HPSE2: variants seen among roughly 807,000 people sequenced by gnomAD.
HPSE2 encodes the protein inactive heparanase-2.
A neutral mutation model predicts 60.5 loss-of-function variants in HPSE2; 38 were observed. The observed-to-expected ratio is 0.63, with a 90% CI of 0.48 to 0.82. HPSE2 has a LOEUF of 0.82. Ranked by LOEUF, HPSE2 falls within the 40% of genes least tolerant of loss-of-function variation. The pLI, the probability that HPSE2 is intolerant of heterozygous loss-of-function variation, is 0.00. For missense variants in HPSE2, 713 were observed against 740.4 expected, an observed-to-expected ratio of 0.96 and a Z score of 0.43; for synonymous variants, 295 against 293.2, an observed-to-expected ratio of 1.01 and a Z score of -0.06.
intron 3 of HPSE2, among the ~76,000 whole-genome samples, chr10:99,105,384 T>C (rs556240194): frequency 2.6e-5 from 4 of 152,254 alleles, no homozygotes; most frequent in African/African-American, 9.6e-5. Flanking sequence ...AATATCTTCT[T>C]TGGAAAAATG....
At chr10:98,540,349 G>T (rs1331593090) in intron 9 of HPSE2, among the ~76,000 whole-genome samples, 1 of 152,144 alleles carries the variant, frequency 6.6e-6, no homozygotes, top group Non-Finnish European at 1.5e-5. Context: ...TTTGAGCAAG[G>T]TCATGAGCAA....
chr10:98,580,953 T>C (rs181414155), intron 9 of HPSE2, among the ~76,000 whole-genome samples: 69 of 151,210 alleles, frequency 4.6e-4, no homozygotes, highest in Admixed American at 8.6e-4. Flanking sequence ...CTTTCTTTTT[T>C]TTTTTGAGAC....
the HPSE2 span, among the ~76,000 whole-genome samples, chr10:99,259,316 A>AAG: frequency 2.6e-4 from 39 of 151,920 alleles, no homozygotes; most frequent in East Asian, 6.6e-3. Flanking sequence ...ACCAAAAAAA[A>AAG]AAAAAAAGAC....
chr10:99,301,968 C>T, the HPSE2 span, among the ~76,000 whole-genome samples: 357 of 151,996 alleles, frequency 2.3e-3, 1 homozygote, highest in African/African-American at 8.1e-3. Context: ...AGATCCCCAA[C>T]TCACTCATTC....
chr10:98,473,548 G>GAC (rs1940876357), intron 11 of HPSE2, among the ~76,000 whole-genome samples: 9 of 107,948 alleles, frequency 8.3e-5, no homozygotes, highest in African/African-American at 3.0e-4. Context: ...GAAAGAAAGA[G>GAC]AGGAAGAGAA....
At chr10:98,565,856 A>ATCG (rs1412768234) in intron 9 of HPSE2, among the ~76,000 whole-genome samples, 7 of 151,878 alleles carry the variant, frequency 4.6e-5, no homozygotes, top group African/African-American at 1.4e-4. Flanking sequence ...TATCATCATC[A>ATCG]TCATCATCAT....
At chr10:99,068,767 A>T (rs981197782) in intron 3 of HPSE2, among the ~76,000 whole-genome samples, 6 of 152,214 alleles carry the variant, frequency 3.9e-5, no homozygotes, top group African/African-American at 1.4e-4. Flanking sequence ...GATCATCAAA[A>T]TCATGAATGA....
chr10:99,138,387 C>G (rs1395353083), intron 3 of HPSE2, among the ~76,000 whole-genome samples: 1 of 152,180 alleles, frequency 6.6e-6, no homozygotes, highest in Non-Finnish European at 1.5e-5. Flanking sequence ...AATCCCATTA[C>G]TGGGTATATA....
At chr10:99,145,274 G>A (rs1846008432) in intron 2 of HPSE2, among the ~76,000 whole-genome samples, 1 of 152,058 alleles carries the variant, frequency 6.6e-6, no homozygotes, top group South Asian at 2.1e-4. Context: ...GACCAATATG[G>A]TGAAACCCTG....
At chr10:98,908,896 C>T (rs1953902429) in intron 3 of HPSE2, among the ~76,000 whole-genome samples, 1 of 152,080 alleles carries the variant, frequency 6.6e-6, no homozygotes, top group Admixed American at 6.5e-5. Flanking sequence ...CACAGAAAGA[C>T]ACATTCCTGC....
At chr10:99,001,111 C>G (rs1956768585) in intron 3 of HPSE2, among the ~76,000 whole-genome samples, 1 of 152,060 alleles carries the variant, frequency 6.6e-6, no homozygotes, top group Admixed American at 6.6e-5. Context: ...TTTCTCTAAT[C>G]ACCCTCTATT....
chr10:99,127,338 G>C (rs904186340), intron 3 of HPSE2, among the ~76,000 whole-genome samples: 2 of 152,170 alleles, frequency 1.3e-5, no homozygotes, highest in Non-Finnish European at 2.9e-5. Flanking sequence ...CACACTTAGA[G>C]AAATACAAAA....
At chr10:98,566,599 GC>G (rs1224937699) in intron 9 of HPSE2, among the ~76,000 whole-genome samples, 1 of 152,162 alleles carries the variant, frequency 6.6e-6, no homozygotes, top group East Asian at 1.9e-4. Flanking sequence ...TAGATTTTCT[GC>G]CCATTTTCTC....
intron 2 of HPSE2, among the ~76,000 whole-genome samples, chr10:99,231,252 T>C (rs1165590997): frequency 6.6e-6 from 1 of 152,200 alleles, no homozygotes; most frequent in Non-Finnish European, 1.5e-5. Context: ...CATTTGCTCC[T>C]TTAGCTGATT....
chr10:99,064,930 A>C (rs1013174089), intron 3 of HPSE2, among the ~76,000 whole-genome samples: 2 of 152,104 alleles, frequency 1.3e-5, no homozygotes, highest in African/African-American at 4.8e-5. Context: ...AATCAGAAAA[A>C]ATTCCTGTAA....
intron 3 of HPSE2, among the ~76,000 whole-genome samples, chr10:99,058,450 C>A (rs993880305): frequency 3.9e-5 from 6 of 152,092 alleles, no homozygotes; most frequent in African/African-American, 1.2e-4. Flanking sequence ...TACCAAGGAG[C>A]AAAACAGGAT....
In HPSE2 at chr10:98,988,390, C is replaced by A. The variant is rs11511377; in HGVS notation, c.610+155848G>T. Among the ~76,000 whole-genome samples the A allele has an allele frequency of 2.0e-5, 3 of 150,830 alleles. No individual in the cohort carries two copies. In the East Asian group the frequency reaches 5.8e-4, roughly 29 times the overall value. ...GACAAACCTGAGAAAAACAAGCAAT[C>A]GGGAAAGGATTCCCTATTTAATAAA... On this transcript the variant is annotated intron_variant, in intron 3 of 11. Coordinates refer to ENST00000370552, the MANE Select transcript of HPSE2 (RefSeq NM_021828.5).
intron 3 of HPSE2, among the ~76,000 whole-genome samples, chr10:98,925,637 C>G (rs1284560479): frequency 6.6e-6 from 1 of 152,152 alleles, no homozygotes; most frequent in Non-Finnish European, 1.5e-5. Flanking sequence ...GTTGCAGGAG[C>G]ACATTAGAGT....
intron 3 of HPSE2, among the ~76,000 whole-genome samples, chr10:98,764,138 T>G (rs912523392): frequency 6.6e-6 from 1 of 152,166 alleles, no homozygotes; most frequent in Non-Finnish European, 1.5e-5. Flanking sequence ...AATTATAATT[T>G]TTGTTATAAT....
Sources: gnomAD v4.1 joint callset for allele counts (sites outside exome capture counted in the v4.1 genomes callset) on GRCh38, gnomAD v4.1.1 for gene constraint, MANE v1.5 for transcripts, NCBI Gene and HGNC (gene_info 2026-07-23, HGNC 2026-07-21) for gene names.